Variants in RABGEF1 observed in about 807,000 individuals in gnomAD.
RABGEF1 encodes the protein RAB guanine nucleotide exchange factor 1.
RABGEF1 carries 26 observed loss-of-function variants against 57.3 expected under a neutral mutation model. The observed-to-expected ratio is 0.45, with a 90% CI of 0.33 to 0.63. The LOEUF (loss-of-function observed/expected upper bound fraction) is 0.63, where lower values mean the gene tolerates loss of function less well. RABGEF1 is among the 20% of genes least tolerant of loss of function. The probability of loss-of-function intolerance (pLI) is 0.02; values close to 1 mark genes in which losing one functional copy is unlikely to be tolerated. For synonymous variants in RABGEF1, 185 were observed against 210.7 expected (o/e 0.88, Z 1.06); for missense variants, 464 against 607.6 (o/e 0.76, Z 2.48).
At chr7:66,807,168 C>T (rs1161422157) in intron 8 of RABGEF1, among the ~76,000 whole-genome samples, 1 of 152,224 alleles carries the variant, frequency 6.6e-6, no homozygotes, top group Non-Finnish European at 1.5e-5. Flanking sequence ...TTAGCAGCTT[C>T]TAGTGCCCTT....
At chr7:66,800,950 C>T (rs527415502) in intron 7 of RABGEF1, among the ~76,000 whole-genome samples, 2 of 152,168 alleles carry the variant, frequency 1.3e-5, no homozygotes, top group Admixed American at 6.5e-5. Context: ...AGAGGCTGCC[C>T]GTTAAGTTAC....
chr7:66,716,758 G>A (rs558402038), intron 2 of RABGEF1, among the ~76,000 whole-genome samples: 32 of 152,176 alleles, frequency 2.1e-4, no homozygotes, highest in Non-Finnish European at 4.3e-4. Context: ...CTATCATTTT[G>A]TTATTTTCTG....
chr7:66,728,745 C>T (rs1584977593), intron 2 of RABGEF1, among the ~76,000 whole-genome samples: 1 of 151,966 alleles, frequency 6.6e-6, no homozygotes, highest in Non-Finnish European at 1.5e-5. Context: ...CCTCCATCCT[C>T]ACCTCGACCC....
chr7:66,746,379 C>A (rs1001084022), intron 1 of RABGEF1, among the ~76,000 whole-genome samples: 1 of 151,718 alleles, frequency 6.6e-6, no homozygotes, highest in South Asian at 2.1e-4. Flanking sequence ...TCTTGGCTCA[C>A]TGCAACCTCT....
At chr7:66,741,503 A>G (rs1257459644) in intron 1 of RABGEF1, among the ~76,000 whole-genome samples, 3 of 152,086 alleles carry the variant, frequency 2.0e-5, no homozygotes, top group Non-Finnish European at 4.4e-5. Context: ...GCTAGGTCAT[A>G]GGCAGCTGGC....
At chr7:66,802,145 C>A (rs1787431595) in intron 7 of RABGEF1, among the ~76,000 whole-genome samples, 1 of 152,164 alleles carries the variant, frequency 6.6e-6, no homozygotes, top group Admixed American at 6.5e-5. Flanking sequence ...CTCCTAGACT[C>A]ACCTCCCTAA....
intron 1 of RABGEF1, among the ~76,000 whole-genome samples, chr7:66,708,275 GT>G (rs1014568736): frequency 3.1e-4 from 44 of 143,598 alleles, no homozygotes; most frequent in Middle Eastern, 3.6e-3. Flanking sequence ...TGTAGTTTGG[GT>G]TTTTTTTTTT....
the RABGEF1 span, among the ~76,000 whole-genome samples, chr7:66,673,621 G>T: frequency 6.6e-6 from 1 of 151,386 alleles, no homozygotes; most frequent in Non-Finnish European, 1.5e-5. Flanking sequence ...AGCTGGTGTT[G>T]TATTAGGTCA....
the RABGEF1 span, among the ~76,000 whole-genome samples, chr7:66,663,792 C>T: frequency 2.6e-5 from 4 of 151,666 alleles, no homozygotes; most frequent in African/African-American, 4.8e-5. Flanking sequence ...TAGTGTGAAT[C>T]GCTGGGCATG....
At chr7:66,744,422 A>G (rs1799724300) in intron 1 of RABGEF1, among the ~76,000 whole-genome samples, 1 of 151,874 alleles carries the variant, frequency 6.6e-6, no homozygotes, top group Non-Finnish European at 1.5e-5. Context: ...TAATCCCAGT[A>G]CTTTGGGAGG....
intron 2 of RABGEF1, among the ~76,000 whole-genome samples, chr7:66,733,998 C>T (rs995969160): frequency 2.0e-5 from 3 of 152,146 alleles, no homozygotes; most frequent in African/African-American, 7.2e-5. Flanking sequence ...CAGCGAGACT[C>T]CGTCTCAAAA....
At chr7:66,765,322 T>A (rs1805428293) in intron 1 of RABGEF1, among the ~76,000 whole-genome samples, 1 of 152,204 alleles carries the variant, frequency 6.6e-6, no homozygotes, top group African/African-American at 2.4e-5. Flanking sequence ...CTTCTTAGAC[T>A]CAGAGCTATT....
intron 3 of RABGEF1, among the ~76,000 whole-genome samples, chr7:66,779,670 T>TA (rs373692116): frequency 0.1 from 12,743 of 124,052 alleles, 653 homozygotes; most frequent in Non-Finnish European, 0.13. Context: ...AGACCCTGAT[T>TA]AAAAAAAAAA....
At chr7:66,716,473 T>C (rs6969679) in intron 2 of RABGEF1, among the ~76,000 whole-genome samples, 57,714 of 151,864 alleles carry the variant, frequency 0.38, 11,461 homozygotes, top group Middle Eastern at 0.57. Context: ...TGGCGGCATG[T>C]GCCTGTAGTC....
chr7:66,689,511 T>C (rs1321884787), intron 1 of RABGEF1, among the ~76,000 whole-genome samples: 1 of 151,918 alleles, frequency 6.6e-6, no homozygotes, highest in Non-Finnish European at 1.5e-5. Flanking sequence ...ATAAAAAATA[T>C]GGGTAAACTG....
At chr7:66,801,978 T>C (rs1188080650) in intron 7 of RABGEF1, among the ~76,000 whole-genome samples, 6 of 152,210 alleles carry the variant, frequency 3.9e-5, no homozygotes, top group Non-Finnish European at 8.8e-5. Context: ...GCAACGATCA[T>C]GGCTCACTGC....
At chr7:66,660,392 T>C in the RABGEF1 span, among the ~76,000 whole-genome samples, 1 of 149,894 alleles carries the variant, frequency 6.7e-6, no homozygotes, top group Non-Finnish European at 1.5e-5. Context: ...CACATTACTG[T>C]GATTTTACAG....
At chr7:66,668,500 C>CAT in the RABGEF1 span, among the ~76,000 whole-genome samples, 2 of 152,138 alleles carry the variant, frequency 1.3e-5, no homozygotes, top group African/African-American at 4.8e-5. Context: ...GGGGTGTCCC[C>CAT]AGATGGTTGT....
chr7:66,805,481 C>T, intron 8 of RABGEF1, 85 bp downstream of exon 8: 1 of 1,556,810 alleles, frequency 6.4e-7, no homozygotes. Context: ...AGGCCCGTGA[C>T]AGGTGAATGC....
Sources: allele counts gnomAD v4.1 joint callset (sites outside exome capture counted in the v4.1 genomes callset), GRCh38; gene constraint gnomAD v4.1.1; transcripts MANE v1.5; gene names NCBI Gene and HGNC (gene_info 2026-07-23, HGNC 2026-07-21).